JPH1: variants seen among roughly 807,000 people sequenced by gnomAD.
JPH1 encodes junctophilin-1.
In JPH1, 12 loss-of-function variants were observed where a neutral mutation model predicts 53.6. The ratio of observed to expected loss-of-function variants is 0.22; its 90% confidence interval spans 0.14 to 0.36. JPH1 has a LOEUF of 0.36. JPH1 is among the 10% of genes least tolerant of loss of function. JPH1 has a pLI of 1.00. For synonymous variants in JPH1, 375 were observed against 363.8 expected (o/e 1.03, Z -0.35); for missense variants, 808 against 905.5 (o/e 0.89, Z 1.38).
At chr8:74,279,886 T>C (rs150564219) in intron 2 of JPH1, among the ~76,000 whole-genome samples, 199 of 152,322 alleles carry the variant, frequency 1.3e-3, no homozygotes, top group African/African-American at 4.5e-3. Context: ...TATTCGATAG[T>C]TGTGGTAGCT....
chr8:74,244,575 G>A lies in JPH1; in HGVS notation c.1859C>T (p.Pro620Leu), dbSNP rs1228915983. The change falls in exon 4 of 6, where the codon CCA becomes CTA. Residue 620 changes from proline to leucine, a missense_variant. Physicochemically the swap from Pro to Leu is moderately conservative, Grantham distance 98. Coordinates refer to ENST00000342232, the MANE Select transcript of JPH1 (RefSeq NM_020647.4). ...KKSELAIPKN[P>L]ASNDSCPALE... The stretch of plus-strand genomic sequence containing the variant: ...AGCAGGGCATGAATCGTTGCTTGCT[G>A]GATTCTTTGGTATAGCAAGTTCAGA... 1 of 1,613,534 alleles carries A rather than the reference G, an allele frequency of 6.2e-7. No individual in the cohort carries two copies. Among genetic ancestry groups the A allele is most frequent in the Non-Finnish European group, 8.5e-7 (1 of 1,179,792 alleles).
At chr8:74,271,133 C>G (rs1806686359) in intron 2 of JPH1, among the ~76,000 whole-genome samples, 1 of 149,762 alleles carries the variant, frequency 6.7e-6, no homozygotes, top group Non-Finnish European at 1.5e-5. Flanking sequence ...TTTAGGACGT[C>G]ATTTCCACGA....
chr8:74,249,383 T>A (rs1805967957), intron 3 of JPH1, among the ~76,000 whole-genome samples: 1 of 152,176 alleles, frequency 6.6e-6, no homozygotes, highest in African/African-American at 2.4e-5. Context: ...GGTAGCAGGA[T>A]CACTTTTTGT....
chr8:74,274,565 T>C (rs2131411067), intron 2 of JPH1, among the ~76,000 whole-genome samples: 1 of 152,334 alleles, frequency 6.6e-6, no homozygotes, highest in South Asian at 2.1e-4. Context: ...GCCATTAGTT[T>C]AGACACGTCT....
At chr8:74,241,640 T>C (rs1327234156) in intron 4 of JPH1, among the ~76,000 whole-genome samples, 1 of 152,218 alleles carries the variant, frequency 6.6e-6, no homozygotes, top group East Asian at 1.9e-4. Context: ...ATGTGAAATC[T>C]AAAGCTTCTC....
intron 2 of JPH1, among the ~76,000 whole-genome samples, chr8:74,300,480 T>G (rs987146397): frequency 1.2e-4 from 19 of 152,320 alleles, no homozygotes; most frequent in African/African-American, 4.1e-4. Context: ...TGTGTAAGTA[T>G]TGATAATACT....
chr8:74,286,484 A>G (rs1242993952), intron 2 of JPH1, among the ~76,000 whole-genome samples: 1 of 152,174 alleles, frequency 6.6e-6, no homozygotes, highest in Non-Finnish European at 1.5e-5. Context: ...TGTTTGCCAG[A>G]GGCACCCTAC....
chr8:74,248,210 A>G (rs1805919603), intron 3 of JPH1, among the ~76,000 whole-genome samples: 2 of 152,202 alleles, frequency 1.3e-5, no homozygotes, highest in South Asian at 4.1e-4. Flanking sequence ...ACTCAAATTG[A>G]TCTACAGGGC....
intron 2 of JPH1, among the ~76,000 whole-genome samples, chr8:74,314,531 A>AT (rs1428162227): frequency 1.3e-5 from 2 of 152,106 alleles, no homozygotes; most frequent in Non-Finnish European, 2.9e-5. Context: ...TCTTACAAAA[A>AT]AAAGAAAAGA....
Position 74,244,825 on chromosome 8 carries a change from G to A in JPH1, c.1609C>T (p.His537Tyr), listed in dbSNP as rs1805805460. The change falls in exon 4 of 6, where the codon CAC (histidine) becomes TAC (tyrosine). Residue 537 changes from histidine (H) to tyrosine (Y), a missense_variant. Physicochemically the swap from His to Tyr is moderately conservative, Grantham distance 83. This residue lies in a region of JPH1 where 756 missense variants were observed against 811.9 expected (regional missense o/e 0.93). Coordinates refer to ENST00000342232, the MANE Select transcript of JPH1 (RefSeq NM_020647.4). ...TCCCCGTTACTGGGGTTGGGGATGT[G>A]GTGGCGGCCAGAGTACTTGGACTGG... is the stretch of plus-strand genomic sequence containing the variant. ...VPQSKYSGRHHIPNPSNGELH... is the reference protein window; with the variant it reads ...VPQSKYSGRHYIPNPSNGELH... 1.2e-6 allele frequency: 2 copies of A among 1,614,068 alleles called. No individual in the cohort carries two copies. The highest frequency in any genetic ancestry group is 1.7e-6 in the Non-Finnish European group (2 of 1,180,040).
At chr8:74,313,991 G>A (rs1240658869) in intron 2 of JPH1, among the ~76,000 whole-genome samples, 1 of 151,964 alleles carries the variant, frequency 6.6e-6, no homozygotes, top group Non-Finnish European at 1.5e-5. Context: ...GCTATTAATG[G>A]TAAAACTTCA....
At chr8:74,285,015 G>A (rs909765869) in intron 2 of JPH1, among the ~76,000 whole-genome samples, 1 of 151,844 alleles carries the variant, frequency 6.6e-6, no homozygotes, top group Non-Finnish European at 1.5e-5. Flanking sequence ...AGTAGAGATG[G>A]GGTTTCACCA....
intron 2 of JPH1, among the ~76,000 whole-genome samples, chr8:74,312,348 C>T (rs1394808753): frequency 6.6e-6 from 1 of 152,088 alleles, no homozygotes; most frequent in Non-Finnish European, 1.5e-5. Context: ...ACCTCTGGGG[C>T]TCAAGCCATC....
At chr8:74,250,584 TA>T (rs1806017187) in intron 3 of JPH1, among the ~76,000 whole-genome samples, 1 of 152,254 alleles carries the variant, frequency 6.6e-6, no homozygotes, top group Admixed American at 6.5e-5. Flanking sequence ...CACAAATTCA[TA>T]AACTTTTCTT....
At chr8:74,253,968 G>A (rs1211957971) in intron 3 of JPH1, among the ~76,000 whole-genome samples, 1 of 152,062 alleles carries the variant, frequency 6.6e-6, no homozygotes, top group Non-Finnish European at 1.5e-5. Flanking sequence ...AGAGGTACAA[G>A]GAGGAGCTGG....
intron 2 of JPH1, among the ~76,000 whole-genome samples, chr8:74,297,082 G>A (rs577617545): frequency 1.3e-5 from 2 of 151,522 alleles, no homozygotes; most frequent in African/African-American, 4.9e-5. Flanking sequence ...TTGATGAACA[G>A]TAAAAAAAAC....
At chr8:74,272,572 C>G (rs1322437824) in intron 2 of JPH1, among the ~76,000 whole-genome samples, 1 of 148,456 alleles carries the variant, frequency 6.7e-6, no homozygotes, top group Non-Finnish European at 1.5e-5. Context: ...CTGATTTGAT[C>G]AGAGATGCCT....
intron 2 of JPH1, among the ~76,000 whole-genome samples, chr8:74,291,112 A>G (rs1272943904): frequency 6.6e-6 from 1 of 152,182 alleles, no homozygotes. Flanking sequence ...AATGGCAACA[A>G]AAGCCAAAAT....
chr8:74,262,369 G>A (rs1806418753), intron 2 of JPH1, among the ~76,000 whole-genome samples: 1 of 152,176 alleles, frequency 6.6e-6, no homozygotes. Flanking sequence ...CACGACCCCT[G>A]TAATCAGTCA....
Sources: allele counts gnomAD v4.1 joint callset (sites outside exome capture counted in the v4.1 genomes callset), GRCh38; gene constraint gnomAD v4.1.1; regional missense constraint gnomAD v4.1.1; transcripts MANE v1.5; gene names NCBI Gene and HGNC (gene_info 2026-07-23, HGNC 2026-07-21).